CLEC16A: variants seen among roughly 807,000 people sequenced by gnomAD.
CLEC16A encodes the protein protein CLEC16A.
Under a neutral mutation model 109.5 loss-of-function variants are expected in CLEC16A, and 51 were observed. The observed-to-expected ratio is 0.47, with a 90% CI of 0.37 to 0.59. The LOEUF (loss-of-function observed/expected upper bound fraction) is 0.59, where lower values mean the gene tolerates loss of function less well. CLEC16A is among the 20% of genes least tolerant of loss of function. The pLI is 0.00. For synonymous variants in CLEC16A, 673 were observed against 564.2 expected, an observed-to-expected ratio of 1.19 and a Z score of -2.73; for missense variants, 1,339 against 1,394.0, an observed-to-expected ratio of 0.96 and a Z score of 0.63.
At chr16:10,955,081 G>C (rs1369323450) in intron 1 of CLEC16A, among the ~76,000 whole-genome samples, 2 of 152,196 alleles carry the variant, frequency 1.3e-5, no homozygotes, top group Non-Finnish European at 2.9e-5. Context: ...GAGCTGCAGA[G>C]AGGTGAAGCG....
At chr16:10,988,859 C>G (rs2043826397) in intron 10 of CLEC16A, among the ~76,000 whole-genome samples, 1 of 152,132 alleles carries the variant, frequency 6.6e-6, no homozygotes, top group Non-Finnish European at 1.5e-5. Context: ...TTTTTATGTA[C>G]ACAGCAAGTG....
intron 18 of CLEC16A, among the ~76,000 whole-genome samples, chr16:11,054,281 G>T (rs2048098411): frequency 6.6e-6 from 1 of 152,252 alleles, no homozygotes; most frequent in Non-Finnish European, 1.5e-5. Context: ...TGTGGCAGAA[G>T]GGAGGTTGCT....
intron 22 of CLEC16A, among the ~76,000 whole-genome samples, chr16:11,136,569 G>A (rs1429296014): frequency 2.0e-5 from 3 of 152,152 alleles, no homozygotes; most frequent in East Asian, 1.9e-4. Context: ...ACAAAATTAC[G>A]AATGCAGTAG....
intron 7 of CLEC16A, among the ~76,000 whole-genome samples, chr16:10,974,320 T>C (rs766190322): frequency 1.2e-4 from 19 of 152,216 alleles, no homozygotes; most frequent in African/African-American, 7.2e-5. Context: ...TTGAATGTTA[T>C]GGAATGTGAA....
intron 11 of CLEC16A, among the ~76,000 whole-genome samples, chr16:11,015,825 C>A (rs772202487): frequency 6.6e-6 from 1 of 152,226 alleles, no homozygotes; most frequent in Non-Finnish European, 1.5e-5. Context: ...TGAGTTCCCA[C>A]TGTGTCAACC....
intron 1 of CLEC16A, among the ~76,000 whole-genome samples, chr16:10,947,179 G>T (rs2041428276): frequency 6.6e-6 from 1 of 152,244 alleles, no homozygotes; most frequent in Non-Finnish European, 1.5e-5. Context: ...ACAGCCCCAA[G>T]AACCTGAGAT....
intron 18 of CLEC16A, among the ~76,000 whole-genome samples, chr16:11,058,770 A>G (rs2152899656): frequency 6.6e-6 from 1 of 152,338 alleles, no homozygotes; most frequent in Middle Eastern, 3.4e-3. Flanking sequence ...AGAAAGCCAC[A>G]CGTTTCTGTT....
Position 11,179,001 on chromosome 16 carries a change from G to A in CLEC16A, c.*311G>A, listed in dbSNP as rs1399630369. On this transcript the variant is annotated 3_prime_UTR_variant, in exon 24 of 24. Transcript: ENST00000409790. ...TGAGCCCCGGGTGGCAGGACCCACC[G>A]GCACCTCTTTCTTCCTCTGTCATAT... The A allele has an allele frequency of 2.4e-5, 8 of 332,762 alleles. No individual in the cohort carries two copies. Among genetic ancestry groups the A allele is most frequent in the East Asian group, 4.9e-5 (1 of 20,404 alleles). 20.6% of individuals were successfully genotyped at this position (332,762 alleles called of 1,614,324 possible).
chr16:11,006,446 G>A (rs1383076970), intron 11 of CLEC16A, among the ~76,000 whole-genome samples: 13 of 152,078 alleles, frequency 8.5e-5, no homozygotes, highest in Admixed American at 7.2e-4. Context: ...ATAGACATGC[G>A]GCTCTTTTCT....
intron 4 of CLEC16A, among the ~76,000 whole-genome samples, chr16:10,969,534 G>C (rs1468167839): frequency 1.3e-5 from 2 of 152,126 alleles, no homozygotes; most frequent in African/African-American, 4.8e-5. Flanking sequence ...TCTTTGTAGA[G>C]ACAGGGTCTT....
chr16:11,068,587 C>G (rs1385049766), intron 19 of CLEC16A, among the ~76,000 whole-genome samples: 1 of 152,216 alleles, frequency 6.6e-6, no homozygotes, highest in Non-Finnish European at 1.5e-5. Flanking sequence ...CCCACAAAAC[C>G]TGTCTCCCTG....
rs74320207 is a variant in CLEC16A at position 11,109,566 on chromosome 16, C to T, written c.2117-11049C>T. Among the ~76,000 whole-genome samples the T allele has an allele frequency of 9.9e-4, 151 of 152,310 alleles. 1 individual carries two copies. Among genetic ancestry groups the T allele is most frequent in the Middle Eastern group, 3.4e-3 (1 of 294 alleles). On this transcript the variant is annotated intron_variant, in intron 19 of 23. Transcript: ENST00000409790. ...GTGTTTTTTGCCCTCCCTGCACCAC[C>T]CACAGGCCACTGCAGTTCCCCCTCA...
intron 23 of CLEC16A, among the ~76,000 whole-genome samples, chr16:11,177,025 A>G (rs2068775359): frequency 6.6e-6 from 1 of 152,172 alleles, no homozygotes; most frequent in Non-Finnish European, 1.5e-5. Context: ...ACGTTGAACA[A>G]AAAAAAATTC....
intron 22 of CLEC16A, 30 bp from the exon 23 acceptor site, chr16:11,166,358 C>A (rs776798129): frequency 8.3e-6 from 13 of 1,573,606 alleles, no homozygotes; most frequent in Non-Finnish European, 2.6e-6. Flanking sequence ...TCTTTGCTTC[C>A]ACTTGGTCAC....
At chr16:11,141,439 G>C (rs896418072) in intron 22 of CLEC16A, among the ~76,000 whole-genome samples, 3 of 152,238 alleles carry the variant, frequency 2.0e-5, no homozygotes, top group Non-Finnish European at 4.4e-5. Context: ...CCTCAACAGG[G>C]CAAGTCACCC....
intron 1 of CLEC16A, among the ~76,000 whole-genome samples, chr16:10,952,954 G>A (rs1011160408): frequency 1.3e-5 from 2 of 152,190 alleles, no homozygotes; most frequent in African/African-American, 4.8e-5. Flanking sequence ...AAATATGTCA[G>A]TTCTCTCCAA....
chr16:10,944,702 G>A lies in CLEC16A; in HGVS notation c.-16G>A. On this transcript the variant is annotated 5_prime_UTR_variant, in exon 1 of 24. Coordinates refer to ENST00000409790, the MANE Select transcript of CLEC16A (RefSeq NM_015226.3). ...GCATGAGACCGTGAGACGAGAGACG[G>A]GTCGGGGCCGCCGACATGTTTGGCC... 1 of 1,598,702 alleles carries A rather than the reference G, an allele frequency of 6.3e-7. No homozygotes were observed. The highest frequency in any genetic ancestry group is 8.5e-7 in the Non-Finnish European group (1 of 1,173,192).
In CLEC16A at chr16:11,090,047, G is replaced by A. The variant is rs543247507; in HGVS notation, c.2116+29025G>A. Among the ~76,000 whole-genome samples the A allele has an allele frequency of 6.6e-5, 10 of 152,136 alleles. No individual in the cohort carries two copies. In the East Asian group the frequency reaches 1.2e-3, roughly 18 times the overall value. On this transcript the variant is annotated intron_variant, in intron 19 of 23. Transcript: ENST00000409790. ...TAGACATTCCTAACTCTGCTTGGTC[G>A]TTGTTTATTTTAAAATAGTCCCAGA...
At position 10,954,444 on chromosome 16, in the gene CLEC16A, A is replaced by C. The variant is rs1260070930; in HGVS notation, c.81-3338A>C. Among the ~76,000 whole-genome samples the C allele has an allele frequency of 6.6e-6, 1 of 152,204 alleles. No individual in the cohort carries two copies. Among genetic ancestry groups the C allele is most frequent in the African/African-American group, 2.4e-5 (1 of 41,450 alleles). On this transcript the variant is annotated intron_variant, in intron 1 of 23. Coordinates refer to ENST00000409790, the MANE Select transcript of CLEC16A (RefSeq NM_015226.3). This position sits in a 1 kb window ranked among gnomAD's most constrained non-coding sequence, Gnocchi z 4.2. ...TTTTTCCCCCAGAAATTATTTAATA[A>C]GGGCAACAATAACAATAGCTAGCAC...
Sources: allele counts gnomAD v4.1 joint callset (sites outside exome capture counted in the v4.1 genomes callset), GRCh38; gene constraint gnomAD v4.1.1; non-coding constraint Gnocchi (gnomAD v3.1); transcripts MANE v1.5; gene names NCBI Gene and HGNC (gene_info 2026-07-23, HGNC 2026-07-21).